Variants in PAPPA2 observed in about 807,000 individuals in gnomAD.
The protein encoded by PAPPA2 is pappalysin-2.
In PAPPA2, 86 loss-of-function variants were observed where a neutral mutation model predicts 176.4. That is an observed-to-expected ratio of 0.49 (90% CI 0.41 to 0.58). The LOEUF is 0.58. Ranked by LOEUF, PAPPA2 falls within the 20% of genes least tolerant of loss-of-function variation. The probability of loss-of-function intolerance (pLI) is 0.00; values close to 1 mark genes in which losing one functional copy is unlikely to be tolerated. For synonymous variants in PAPPA2, 809 were observed against 852.2 expected, an observed-to-expected ratio of 0.95 and a Z score of 0.88; for missense variants, 2,073 against 2,256.9, an observed-to-expected ratio of 0.92 and a Z score of 1.65.
chr1:176,480,839 C>T (rs1652360029), intron 1 of PAPPA2, among the ~76,000 whole-genome samples: 1 of 151,712 alleles, frequency 6.6e-6, no homozygotes, highest in Non-Finnish European at 1.5e-5. Context: ...GAATCATAGA[C>T]CAGACCAGAC....
intron 21 of PAPPA2, among the ~76,000 whole-genome samples, chr1:176,821,881 GCAAGCATTCGTTAAACACATTCA>G (rs1666679766): frequency 6.6e-6 from 1 of 152,132 alleles, no homozygotes; most frequent in Non-Finnish European, 1.5e-5. Context: ...CTTTGCAGTC[GCAAGCATTCGTTAAACACATTCA>G]CTCCACCCTA....
Position 176,594,672 on chromosome 1 carries a change from C to T in PAPPA2, c.1068C>T (p.His356=), listed in dbSNP as rs1457249488. Residue 356 remains histidine (H), a synonymous_variant, in exon 3 of 23, where the codon CAC becomes CAT. Transcript: ENST00000367662. ...AGAAAGCCACCATCTTGATTAGCCA[C>T]AGTCGCTACCAACCAGGCACATGGA... The part of the protein sequence containing the change: ...RVKKATILIS[H]SRYQPGTWTH... 2 of 1,614,128 alleles carry T rather than the reference C, an allele frequency of 1.2e-6. No homozygotes were observed. Among genetic ancestry groups the T allele is most frequent in the African/African-American group, 2.7e-5 (2 of 74,952 alleles).
At chr1:176,566,184 G>C (rs1412726325) in intron 2 of PAPPA2, among the ~76,000 whole-genome samples, 1 of 152,138 alleles carries the variant, frequency 6.6e-6, no homozygotes, top group African/African-American at 2.4e-5. Context: ...GGCCCCAGCT[G>C]GGTTCTTTGG....
At position 176,799,999 on chromosome 1, in the gene PAPPA2, C is replaced by T. The variant is rs573973815; in HGVS notation, c.5131-62C>T. On this transcript the variant is annotated intron_variant, in intron 20 of 22. Transcript: ENST00000367662. ...TCCTGTGGTGAGCTCAGGATTTGCC[C>T]CTTCTCACACACAACAAATGTCTTT... is the stretch of plus-strand genomic sequence containing the variant. The T allele has an allele frequency of 1.0e-5, 16 of 1,565,382 alleles. No individual in the cohort carries two copies. The Admixed American group carries it at 2.5e-4, about 25-fold the overall frequency.
chr1:176,820,374 A>G (rs1666608956), intron 21 of PAPPA2, among the ~76,000 whole-genome samples: 2 of 152,154 alleles, frequency 1.3e-5, no homozygotes, highest in Non-Finnish European at 2.9e-5. Context: ...TCCACAGTTC[A>G]TTCTAGCCTG....
At chr1:176,672,820 C>T (rs1045985530) in intron 4 of PAPPA2, among the ~76,000 whole-genome samples, 3 of 152,128 alleles carry the variant, frequency 2.0e-5, no homozygotes, top group African/African-American at 4.8e-5. Context: ...AGTTTTAAAG[C>T]CCTGCAGTCC....
intron 4 of PAPPA2, among the ~76,000 whole-genome samples, chr1:176,673,623 G>T (rs988395525): frequency 1.3e-5 from 2 of 152,088 alleles, no homozygotes; most frequent in African/African-American, 4.8e-5. Context: ...GAATTGTTGG[G>T]CTGGGGCATA....
chr1:176,634,108 G>A (rs899247729), intron 3 of PAPPA2, among the ~76,000 whole-genome samples: 16 of 152,012 alleles, frequency 1.1e-4, no homozygotes, highest in East Asian at 3.9e-4. Context: ...TACCCAAAGG[G>A]ATATAAATCA....
chr1:176,473,283 C>T (rs189756284), intron 1 of PAPPA2, among the ~76,000 whole-genome samples: 12 of 152,260 alleles, frequency 7.9e-5, no homozygotes, highest in Admixed American at 7.9e-4. Flanking sequence ...TGGGATCATA[C>T]AATATACAGC....
intron 1 of PAPPA2, among the ~76,000 whole-genome samples, chr1:176,477,726 C>T (rs1429139261): frequency 6.6e-6 from 1 of 151,910 alleles, no homozygotes; most frequent in Non-Finnish European, 1.5e-5. Flanking sequence ...GCCTGGGTGA[C>T]AGAGTGAGAC....
rs182055813 is a variant in PAPPA2, at chr1:176,473,379, T to C, written c.-917+9961T>C. Among the ~76,000 whole-genome samples, 112 of 152,310 alleles carry C rather than the reference T, an allele frequency of 7.4e-4. No individual in the cohort carries two copies. The Middle Eastern group carries it at 0.01, about 14-fold the overall frequency. Reference sequence around the variant, plus strand: ...TGGCTTGGTATCTCATTTCTTTTTTTAGTACTGAATAATATCCTCTTGTCT... The same window carrying C: ...TGGCTTGGTATCTCATTTCTTTTTTCAGTACTGAATAATATCCTCTTGTCT... On this transcript the variant is annotated intron_variant, in intron 1 of 22. Coordinates refer to ENST00000367662, the MANE Select transcript of PAPPA2 (RefSeq NM_020318.3).
At chr1:176,805,864 T>G (rs1395288524) in intron 21 of PAPPA2, among the ~76,000 whole-genome samples, 1 of 151,932 alleles carries the variant, frequency 6.6e-6, no homozygotes, top group Non-Finnish European at 1.5e-5. Context: ...GGTATTCACC[T>G]GTGGTCCCCA....
chr1:176,551,236 T>C (rs1650930960), intron 1 of PAPPA2, among the ~76,000 whole-genome samples: 1 of 152,140 alleles, frequency 6.6e-6, no homozygotes, highest in Non-Finnish European at 1.5e-5. Flanking sequence ...TCAGAGAAGC[T>C]CCCTGTTTCC....
chr1:176,657,393 A>T (rs1225882924), intron 3 of PAPPA2, among the ~76,000 whole-genome samples: 1 of 151,992 alleles, frequency 6.6e-6, no homozygotes, highest in Non-Finnish European at 1.5e-5. Flanking sequence ...AAGGTCTTGT[A>T]AACCATAGTA....
At chr1:176,487,147 A>G (rs1652681401) in intron 1 of PAPPA2, among the ~76,000 whole-genome samples, 1 of 152,098 alleles carries the variant, frequency 6.6e-6, no homozygotes, top group Non-Finnish European at 1.5e-5. Flanking sequence ...AATATGGATA[A>G]ATGTAATTAT....
At chr1:176,590,413 A>AT (rs568912627) in intron 2 of PAPPA2, among the ~76,000 whole-genome samples, 65 of 150,112 alleles carry the variant, frequency 4.3e-4, no homozygotes, top group South Asian at 8.4e-4. Flanking sequence ...CAGGACTTGG[A>AT]TTTTTTTTTT....
At chr1:176,467,558 C>T (rs931995948) in intron 1 of PAPPA2, among the ~76,000 whole-genome samples, 1 of 152,190 alleles carries the variant, frequency 6.6e-6, no homozygotes, top group Non-Finnish European at 1.5e-5. Flanking sequence ...GTCACCTCAG[C>T]TGTTTGTTGA....
intron 21 of PAPPA2, among the ~76,000 whole-genome samples, chr1:176,818,947 A>G (rs1160185500): frequency 6.6e-6 from 1 of 152,168 alleles, no homozygotes; most frequent in Non-Finnish European, 1.5e-5. Context: ...CCTATTATTT[A>G]GTAGAATTAT....
chr1:176,747,397 A>T (rs1000560031), intron 14 of PAPPA2, among the ~76,000 whole-genome samples: 10 of 152,348 alleles, frequency 6.6e-5, no homozygotes, highest in Middle Eastern at 3.4e-3. Context: ...TGTAGGAAAT[A>T]TGCAATTCAG....
Sources: gnomAD v4.1 joint callset for allele counts (sites outside exome capture counted in the v4.1 genomes callset) on GRCh38, gnomAD v4.1.1 for gene constraint, MANE v1.5 for transcripts, NCBI Gene and HGNC (gene_info 2026-07-23, HGNC 2026-07-21) for gene names.